The following AZIN2 variants were observed in gnomAD, a reference collection of about 807,000 sequenced individuals.
AZIN2 encodes antizyme inhibitor 2, also known as ODC antizyme inhibitor-2.
In AZIN2, 28 loss-of-function variants were observed where a neutral mutation model predicts 47.8. The observed-to-expected ratio is 0.59, with a 90% CI of 0.43 to 0.80. The LOEUF is 0.80. Among genes scored for constraint, AZIN2 ranks in the 30% least tolerant of loss-of-function variants. AZIN2 has a pLI of 0.00. For missense variants in AZIN2, 535 were observed against 582.5 expected (o/e 0.92, Z 0.84); for synonymous variants, 221 against 239.4 (o/e 0.92, Z 0.71).
At chr1:33,152,506 G>A in the AZIN2 span, among the ~76,000 whole-genome samples, 84 of 151,322 alleles carry the variant, frequency 5.6e-4, no homozygotes, top group East Asian at 0.016. Context: ...GGCGGAGGTT[G>A]TGGTGAGCCA....
chr1:33,116,289 A>G (rs1644536620), intron 10 of AZIN2, among the ~76,000 whole-genome samples: 1 of 152,212 alleles, frequency 6.6e-6, no homozygotes, highest in South Asian at 2.1e-4. Flanking sequence ...AATGGGACTA[A>G]TAGCTTATTA....
intron 10 of AZIN2, among the ~76,000 whole-genome samples, chr1:33,116,345 C>T (rs927714013): frequency 6.6e-6 from 1 of 152,148 alleles, no homozygotes; most frequent in African/African-American, 2.4e-5. Flanking sequence ...ATGGAAACTG[C>T]GACTTTTCTT....
intron 5 of AZIN2, among the ~76,000 whole-genome samples, chr1:33,089,164 G>A (rs1006926913): frequency 6.6e-6 from 1 of 152,154 alleles, no homozygotes; most frequent in African/African-American, 2.4e-5. Context: ...TGTGATTTTG[G>A]ACAAATCACT....
the AZIN2 span, among the ~76,000 whole-genome samples, chr1:33,160,555 C>A: frequency 2.0e-5 from 3 of 152,000 alleles, no homozygotes; most frequent in Non-Finnish European, 2.9e-5. Flanking sequence ...CAGGAGCCCG[C>A]CACTATGCCC....
At chr1:33,099,153 TG>T (rs1225965299) in intron 10 of AZIN2, among the ~76,000 whole-genome samples, 3 of 152,202 alleles carry the variant, frequency 2.0e-5, no homozygotes, top group Non-Finnish European at 4.4e-5. Flanking sequence ...GCACTCATTA[TG>T]TTTTTCCTTC....
chr1:33,165,440 G>A, the AZIN2 span: 2 of 1,542,198 alleles, frequency 1.3e-6, no homozygotes, highest in African/African-American at 1.4e-5. The surrounding 1 kb of genome is among the most constrained non-coding windows in gnomAD (Gnocchi z 4.0). Flanking sequence ...CATCTCTGCC[G>A]GCCCCACCTC....
chr1:33,165,514 G>C, the AZIN2 span: 2 of 1,610,598 alleles, frequency 1.2e-6, no homozygotes, highest in Non-Finnish European at 1.7e-6. The surrounding 1 kb of genome is among the most constrained non-coding windows in gnomAD (Gnocchi z 4.0). Context: ...CAGCGCTTCG[G>C]TGTGTTCCCG....
At chr1:33,114,652 C>A (rs1183690243) in intron 10 of AZIN2, among the ~76,000 whole-genome samples, 1 of 79,866 alleles carries the variant, frequency 1.3e-5, no homozygotes, top group African/African-American at 5.9e-5. Flanking sequence ...CGCGACCCGC[C>A]TTTTTTTTTT....
chr1:33,144,000 A>ATT, the AZIN2 span, among the ~76,000 whole-genome samples: 70 of 152,338 alleles, frequency 4.6e-4, no homozygotes, highest in African/African-American at 1.5e-3. Flanking sequence ...TTAAAAGATA[A>ATT]ATAAACCTAG....
At position 33,098,169 on chromosome 1, in the gene AZIN2, T is replaced by A. The variant is rs773364141; in HGVS notation, c.1019T>A (p.Ile340Asn). Residue 340 changes from isoleucine to asparagine, a missense_variant, in exon 10 of 12, where the codon ATC becomes AAC. This residue lies in a region of AZIN2 where 409 missense variants were observed against 429.0 expected (regional missense o/e 0.95). Coordinates refer to ENST00000294517, the MANE Select transcript of AZIN2 (RefSeq NM_052998.4). ...TTTGACAACATCTGCCCTACCCCCA[T>A]CCTGCAGAAGGTGAGCTTACCCCAC... ...VLFDNICPTPILQKKPSTEQP... is the reference protein window; with the variant it reads ...VLFDNICPTPNLQKKPSTEQP... 1 of 1,610,566 alleles carries A rather than the reference T, an allele frequency of 6.2e-7. No homozygotes were observed. Among genetic ancestry groups the A allele is most frequent in the Non-Finnish European group, 8.5e-7 (1 of 1,178,536 alleles).
the AZIN2 span, among the ~76,000 whole-genome samples, chr1:33,162,511 C>G: frequency 6.6e-6 from 1 of 152,212 alleles, no homozygotes; most frequent in South Asian, 2.1e-4. Flanking sequence ...TGACATCTCC[C>G]TCGGCTCTGC....
In AZIN2 at chr1:33,123,425, T is replaced by C. The variant is rs573945748; in HGVS notation, c.*3243T>C. ...TAGAACGGAGTAGGTGTTCAAAAAG[T>C]ATATGCTGGATGGGCAAATGAATAA... On this transcript the variant is annotated 3_prime_UTR_variant, in exon 12 of 12. Transcript: ENST00000294517. 2.0e-5 allele frequency among the ~76,000 whole-genome samples: 3 copies of C among 152,320 alleles called. No homozygotes were observed. In the South Asian group the frequency reaches 6.2e-4, roughly 32 times the overall value.
downstream of AZIN2, among the ~76,000 whole-genome samples, chr1:33,125,801 T>C (rs932371834): frequency 1.3e-5 from 2 of 152,166 alleles, no homozygotes; most frequent in African/African-American, 4.8e-5. Flanking sequence ...AATCTCTGCA[T>C]AGATCTCTCT....
rs1644812307 is a variant in AZIN2 at position 33,122,443 on chromosome 1, G to A, written c.*2261G>A. Among the ~76,000 whole-genome samples, 1 of 143,882 alleles carries A rather than the reference G, an allele frequency of 7.0e-6. No individual in the cohort carries two copies. The highest frequency in any genetic ancestry group is 1.6e-5 in the Non-Finnish European group (1 of 63,592). 94.4% of individuals were successfully genotyped at this position (143,882 alleles called of 152,430 possible). ...ACGCAGAACTTGATGTGGCTTACTT[G>A]AGGATAATAGTTAATAGTCATTTTT... On this transcript the variant is annotated 3_prime_UTR_variant, in exon 12 of 12. Coordinates refer to ENST00000294517, the MANE Select transcript of AZIN2 (RefSeq NM_052998.4).
the AZIN2 span, among the ~76,000 whole-genome samples, chr1:33,161,084 A>G: frequency 1.3e-5 from 2 of 152,228 alleles, no homozygotes; most frequent in Non-Finnish European, 1.5e-5. This position sits in a 1 kb window ranked among gnomAD's most constrained non-coding sequence, Gnocchi z 4.3. Flanking sequence ...CTTATCTGTG[A>G]AAGGAGTAAC....
chr1:33,082,449 G>A (rs569841159), intron 4 of AZIN2, 95 bp downstream of exon 4: 15 of 818,962 alleles, frequency 1.8e-5, no homozygotes, highest in Non-Finnish European at 2.3e-5. Flanking sequence ...TTATCCTTTC[G>A]CTTATTTGGT....
intron 10 of AZIN2, among the ~76,000 whole-genome samples, chr1:33,114,524 T>C (rs967989663): frequency 6.6e-6 from 1 of 151,666 alleles, no homozygotes; most frequent in Non-Finnish European, 1.5e-5. Flanking sequence ...CGGCTAATTT[T>C]TTGTATTTTT....
At chr1:33,094,459 T>C in intron 7 of AZIN2, 89 bp from the exon 8 acceptor site, 1 of 1,377,592 alleles carries the variant, frequency 7.3e-7, no homozygotes. Context: ...CAGTGTCTCA[T>C]GTGCCTGCCC....
At position 33,121,043 on chromosome 1, in the gene AZIN2, C is replaced by T. The variant is rs1281792178; in HGVS notation, c.*861C>T. ...GGCTGGCCACGGAGTATTGCTGTGT[C>T]CAGTGCCGACAGCCCTGGCATCCCC... On this transcript the variant is annotated 3_prime_UTR_variant, in exon 12 of 12. Coordinates refer to ENST00000294517, the MANE Select transcript of AZIN2 (RefSeq NM_052998.4). 6.6e-6 allele frequency among the ~76,000 whole-genome samples: 1 copy of T among 152,088 alleles called. No homozygotes were observed. Among genetic ancestry groups the T allele is most frequent in the African/African-American group, 2.4e-5 (1 of 41,400 alleles).
Sources: allele counts gnomAD v4.1 joint callset (sites outside exome capture counted in the v4.1 genomes callset), GRCh38; gene constraint gnomAD v4.1.1; regional missense constraint gnomAD v4.1.1; non-coding constraint Gnocchi (gnomAD v3.1); transcripts MANE v1.5; gene names NCBI Gene and HGNC (gene_info 2026-07-23, HGNC 2026-07-21).